FSTL5: variants seen among roughly 807,000 people sequenced by gnomAD.
FSTL5 encodes the protein follistatin like 5, also known as follistatin-related protein 5.
A neutral mutation model predicts 89.1 loss-of-function variants in FSTL5; 62 were observed. The observed-to-expected ratio is 0.70, with a 90% CI of 0.57 to 0.86. FSTL5 has a LOEUF of 0.86. Ranked by LOEUF, FSTL5 falls within the 40% of genes least tolerant of loss-of-function variation. The pLI is 0.00. For synonymous variants in FSTL5, 383 were observed against 346.2 expected (o/e 1.11, Z -1.18); for missense variants, 1,057 against 1,001.6 (o/e 1.06, Z -0.75).
chr4:161,426,717 G>A (rs1035867237), intron 15 of FSTL5, among the ~76,000 whole-genome samples: 3 of 152,034 alleles, frequency 2.0e-5, no homozygotes, highest in Non-Finnish European at 2.9e-5. Flanking sequence ...TCAGCCTCCC[G>A]AGTAACTGTG....
At chr4:161,572,086 G>A (rs138278838) in intron 8 of FSTL5, among the ~76,000 whole-genome samples, 1 of 152,106 alleles carries the variant, frequency 6.6e-6, no homozygotes, top group Non-Finnish European at 1.5e-5. Context: ...GAGGCGGGTG[G>A]ATCACCTGGG....
chr4:161,748,843 C>T (rs1455660340), intron 6 of FSTL5, among the ~76,000 whole-genome samples: 1 of 151,832 alleles, frequency 6.6e-6, no homozygotes, highest in African/African-American at 2.4e-5. Flanking sequence ...GCATTAAATA[C>T]ATTTTATTGA....
chr4:162,000,883 A>C (rs1175087081), intron 3 of FSTL5, among the ~76,000 whole-genome samples: 1 of 152,138 alleles, frequency 6.6e-6, no homozygotes, highest in Admixed American at 6.6e-5. Flanking sequence ...AGAGAGAAGA[A>C]GGGATGGAGG....
rs28670864 is a variant in FSTL5, at chr4:161,728,360, C to T, written c.727+31051G>A. Among the ~76,000 whole-genome samples, 839 of 152,064 alleles carry T rather than the reference C, an allele frequency of 5.5e-3. 3 individuals carry two copies. Among genetic ancestry groups the T allele is most frequent in the African/African-American group, 0.019 (769 of 41,474 alleles). ...CGGGGGCATTTGGAGTCACATTTAG[C>T]TAAACAGAATTTTACTGTTGATAAC... is the stretch of plus-strand genomic sequence containing the variant. On this transcript the variant is annotated intron_variant, in intron 6 of 15. Transcript: ENST00000306100.
intron 6 of FSTL5, among the ~76,000 whole-genome samples, chr4:161,668,901 C>T: frequency 6.6e-6 from 1 of 151,946 alleles, no homozygotes; most frequent in East Asian, 1.9e-4. Context: ...CACCTGAGGT[C>T]AGGAGTTCAA....
At chr4:161,787,631 C>G (rs1429076405) in intron 4 of FSTL5, among the ~76,000 whole-genome samples, 1 of 152,110 alleles carries the variant, frequency 6.6e-6, no homozygotes, top group Non-Finnish European at 1.5e-5. Context: ...AGACGTTGCT[C>G]TTCTCTGAAA....
At chr4:161,525,192 T>A (rs1731175207) in intron 10 of FSTL5, among the ~76,000 whole-genome samples, 1 of 152,174 alleles carries the variant, frequency 6.6e-6, no homozygotes, top group African/African-American at 2.4e-5. Context: ...GCACTCAACT[T>A]TCTTTCTGAA....
chr4:161,411,898 A>G (rs1271463100), intron 15 of FSTL5, among the ~76,000 whole-genome samples: 1 of 152,220 alleles, frequency 6.6e-6, no homozygotes, highest in Non-Finnish European at 1.5e-5. Flanking sequence ...AAATAATTCA[A>G]ACTATCTCTC....
In FSTL5 at chr4:161,506,602, T is replaced by C. The variant is rs752834617; in HGVS notation, c.1339+3796A>G. On this transcript the variant is annotated intron_variant, in intron 11 of 15. Coordinates refer to ENST00000306100, the MANE Select transcript of FSTL5 (RefSeq NM_020116.5). The stretch of plus-strand genomic sequence containing the variant: ...AAATAATAGTTATACCAGAGGTTTT[T>C]GAACCACACTTAGAAGCTGTATTTT... 3.2e-4 allele frequency among the ~76,000 whole-genome samples: 48 copies of C among 152,252 alleles called. No individual in the cohort carries two copies. In the Middle Eastern group the frequency reaches 0.017, roughly 54 times the overall value.
At chr4:161,721,821 A>G (rs577796061) in intron 6 of FSTL5, among the ~76,000 whole-genome samples, 2 of 152,348 alleles carry the variant, frequency 1.3e-5, no homozygotes, top group South Asian at 4.1e-4. Context: ...AAATTCTTCA[A>G]ACGCTTCCTT....
At chr4:161,980,966 G>T (rs1735812951) in intron 3 of FSTL5, among the ~76,000 whole-genome samples, 1 of 151,590 alleles carries the variant, frequency 6.6e-6, no homozygotes, top group East Asian at 1.9e-4. Flanking sequence ...TCACATATTG[G>T]CCAGGCTGGT....
intron 4 of FSTL5, among the ~76,000 whole-genome samples, chr4:161,805,557 A>G (rs902650933): frequency 3.9e-5 from 6 of 152,110 alleles, no homozygotes; most frequent in Non-Finnish European, 7.4e-5. Context: ...CCTTCCTCAG[A>G]CAATTGGGAG....
chr4:161,551,115 G>C (rs896557644), intron 8 of FSTL5, among the ~76,000 whole-genome samples: 3 of 151,712 alleles, frequency 2.0e-5, no homozygotes, highest in Admixed American at 6.6e-5. Context: ...GGGATGGCTG[G>C]GTCAAATGGT....
chr4:162,159,078 G>A (rs1164123138), intron 1 of FSTL5, among the ~76,000 whole-genome samples: 3 of 152,052 alleles, frequency 2.0e-5, no homozygotes, highest in African/African-American at 7.2e-5. Context: ...AGGGCAGGTA[G>A]GCATTTGTGT....
intron 4 of FSTL5, among the ~76,000 whole-genome samples, chr4:161,824,498 C>G (rs1272393146): frequency 6.6e-6 from 1 of 151,822 alleles, no homozygotes; most frequent in Non-Finnish European, 1.5e-5. Context: ...TATGTGGGTT[C>G]TTTTTTGGTT....
intron 6 of FSTL5, among the ~76,000 whole-genome samples, chr4:161,714,956 T>C (rs1409344956): frequency 6.6e-6 from 1 of 152,164 alleles, no homozygotes. Context: ...TAATAAATAG[T>C]AAATTTTTTA....
intron 4 of FSTL5, among the ~76,000 whole-genome samples, chr4:161,905,463 A>G (rs550118784): frequency 5.9e-5 from 9 of 152,268 alleles, no homozygotes; most frequent in South Asian, 2.1e-4. Flanking sequence ...ATGACGAGCC[A>G]CTTTTTATTT....
At chr4:161,631,057 A>G (rs1327938619) in intron 7 of FSTL5, among the ~76,000 whole-genome samples, 1 of 152,214 alleles carries the variant, frequency 6.6e-6, no homozygotes, top group Non-Finnish European at 1.5e-5. Context: ...AATTGATTCA[A>G]TGTACCTGGC....
At chr4:161,535,066 T>G (rs1731549711) in intron 10 of FSTL5, among the ~76,000 whole-genome samples, 1 of 152,168 alleles carries the variant, frequency 6.6e-6, no homozygotes, top group Non-Finnish European at 1.5e-5. Context: ...TACACACAGA[T>G]TAACTCAAGA....
Sources: allele counts gnomAD v4.1 joint callset (sites outside exome capture counted in the v4.1 genomes callset), GRCh38; gene constraint gnomAD v4.1.1; transcripts MANE v1.5; gene names NCBI Gene and HGNC (gene_info 2026-07-23, HGNC 2026-07-21).